EPM2A: variants seen among roughly 807,000 people sequenced by gnomAD.
EPM2A encodes the protein EPM2A glucan phosphatase, laforin.
In EPM2A, 21 loss-of-function variants were observed where a neutral mutation model predicts 26.5. The observed-to-expected ratio is 0.79, with a 90% CI of 0.56 to 1.14. The LOEUF (loss-of-function observed/expected upper bound fraction) is 1.14, where lower values mean the gene tolerates loss of function less well. Ranked by LOEUF, EPM2A falls within the 50% of genes most tolerant of loss-of-function variation. The pLI, the probability that EPM2A is intolerant of heterozygous loss-of-function variation, is 0.00. For synonymous variants in EPM2A, 217 were observed against 177.6 expected, an observed-to-expected ratio of 1.22 and a Z score of -1.76; for missense variants, 458 against 440.8, an observed-to-expected ratio of 1.04 and a Z score of -0.35.
intron 2 of EPM2A, among the ~76,000 whole-genome samples, chr6:145,513,379 C>T (rs1780082293): frequency 6.6e-6 from 1 of 151,940 alleles, no homozygotes; most frequent in Admixed American, 6.6e-5. Flanking sequence ...ATCAGAATGG[C>T]TATTATTAAA....
intron 2 of EPM2A, chr6:145,641,189 CA>C (rs1777059857): frequency 6.6e-6 from 1 of 152,172 alleles, no homozygotes; most frequent in Non-Finnish European, 1.5e-5. Context: ...TCCCCCTCCC[CA>C]AACTCCTATG....
At chr6:145,564,970 C>T (rs568327387) in intron 2 of EPM2A, among the ~76,000 whole-genome samples, 49 of 152,284 alleles carry the variant, frequency 3.2e-4, no homozygotes, top group African/African-American at 1.1e-3. Flanking sequence ...CAGCCTCATC[C>T]TCTGTCAGTG....
intron 2 of EPM2A, among the ~76,000 whole-genome samples, chr6:145,611,126 C>A (rs577630905): frequency 6.6e-6 from 1 of 152,036 alleles, no homozygotes; most frequent in Admixed American, 6.6e-5. Flanking sequence ...AGACCACGAA[C>A]AGATAAAATA....
intron 2 of EPM2A, among the ~76,000 whole-genome samples, chr6:145,681,689 G>C (rs1323658419): frequency 6.6e-6 from 1 of 151,984 alleles, no homozygotes; most frequent in African/African-American, 2.4e-5. Flanking sequence ...GTTTGTTAAA[G>C]ATCAGATAGT....
chr6:145,717,462 G>A (rs867344124), intron 1 of EPM2A, among the ~76,000 whole-genome samples: 288 of 152,188 alleles, frequency 1.9e-3, no homozygotes, highest in African/African-American at 6.1e-3. Flanking sequence ...TTGATGGGAC[G>A]TATCTCAAAA....
intron 2 of EPM2A, among the ~76,000 whole-genome samples, chr6:145,555,983 C>T (rs186667717): frequency 1.3e-5 from 2 of 152,130 alleles, no homozygotes; most frequent in Non-Finnish European, 2.9e-5. Context: ...CACACATTAA[C>T]CTTTTCTTTT....
chr6:145,473,830 A>G (rs901287965), intron 4 of EPM2A, among the ~76,000 whole-genome samples: 1 of 152,084 alleles, frequency 6.6e-6, no homozygotes, highest in Non-Finnish European at 1.5e-5. Context: ...TTCTTCAAAC[A>G]TGAAGGAGAA....
intron 4 of EPM2A, among the ~76,000 whole-genome samples, chr6:145,416,271 G>A (rs1778706820): frequency 6.8e-6 from 1 of 147,554 alleles, no homozygotes. Flanking sequence ...TTTTAATGCA[G>A]ATTGTCATTA....
At chr6:145,406,282 A>T (rs976069688) in intron 4 of EPM2A, among the ~76,000 whole-genome samples, 1 of 152,198 alleles carries the variant, frequency 6.6e-6, no homozygotes, top group African/African-American at 2.4e-5. Flanking sequence ...CAAAGTGATC[A>T]TGTAAGTTCC....
downstream of EPM2A, among the ~76,000 whole-genome samples, chr6:145,501,293 G>A (rs1461304515): frequency 6.6e-6 from 1 of 152,202 alleles, no homozygotes; most frequent in Non-Finnish European, 1.5e-5. Context: ...TGCCCAAATT[G>A]TGGGTCCAGC....
chr6:145,716,807 T>C (rs1255707664), intron 1 of EPM2A, among the ~76,000 whole-genome samples: 3 of 152,228 alleles, frequency 2.0e-5, no homozygotes, highest in African/African-American at 7.2e-5. Flanking sequence ...GCCTTTCTCC[T>C]GTCTCCCTCA....
At chr6:145,429,087 A>C (rs1372715710) in intron 4 of EPM2A, among the ~76,000 whole-genome samples, 1 of 152,218 alleles carries the variant, frequency 6.6e-6, no homozygotes, top group East Asian at 1.9e-4. Context: ...TTATTCTCAA[A>C]TATTGTAGAC....
chr6:145,542,729 C>T (rs117093926), intron 2 of EPM2A, among the ~76,000 whole-genome samples: 18 of 151,986 alleles, frequency 1.2e-4, no homozygotes, highest in Non-Finnish European at 2.5e-4. Flanking sequence ...AGTTTGTTTG[C>T]TTCCTTCTGT....
chr6:145,443,278 T>C (rs2114702524), intron 4 of EPM2A, among the ~76,000 whole-genome samples: 1 of 152,306 alleles, frequency 6.6e-6, no homozygotes. Flanking sequence ...ATGACATTGG[T>C]AGTTTGATAG....
intron 2 of EPM2A, among the ~76,000 whole-genome samples, chr6:145,678,876 T>C (rs567829626): frequency 6.6e-6 from 1 of 152,096 alleles, no homozygotes; most frequent in Non-Finnish European, 1.5e-5. Context: ...GAAATACCAT[T>C]TGACCCAGTG....
intron 2 of EPM2A, among the ~76,000 whole-genome samples, chr6:145,532,344 G>A (rs1189366635): frequency 6.6e-6 from 1 of 152,124 alleles, no homozygotes; most frequent in Non-Finnish European, 1.5e-5. Flanking sequence ...CTCAGGATAG[G>A]GTTATGGTTG....
chr6:145,702,357 T>G (rs565873266), intron 1 of EPM2A, among the ~76,000 whole-genome samples: 1 of 152,196 alleles, frequency 6.6e-6, no homozygotes, highest in African/African-American at 2.4e-5. Context: ...AGCAGTTAAG[T>G]GCATGGGCTC....
chr6:145,584,486 G>A (rs934291955), intron 2 of EPM2A, among the ~76,000 whole-genome samples: 74 of 152,140 alleles, frequency 4.9e-4, no homozygotes, highest in African/African-American at 1.8e-3. Context: ...GGCCAGCCCT[G>A]GGGATGGGCA....
chr6:145,526,420 T>C (rs1780274212), intron 2 of EPM2A, among the ~76,000 whole-genome samples: 1 of 151,964 alleles, frequency 6.6e-6, no homozygotes, highest in African/African-American at 2.4e-5. Flanking sequence ...AGTCCAGGGC[T>C]TTTTTTGGTT....
Sources: gnomAD v4.1 joint callset for allele counts (sites outside exome capture counted in the v4.1 genomes callset) on GRCh38, gnomAD v4.1.1 for gene constraint, MANE v1.5 for transcripts, NCBI Gene and HGNC (gene_info 2026-07-23, HGNC 2026-07-21) for gene names.